Variants in MORC1 observed in about 807,000 individuals in gnomAD.
The protein encoded by MORC1 is MORC family CW-type zinc finger protein 1.
MORC1 carries 59 observed loss-of-function variants against 134.9 expected under a neutral mutation model. The observed-to-expected ratio is 0.44, with a 90% confidence interval of 0.35 to 0.54. The LOEUF (loss-of-function observed/expected upper bound fraction) is 0.54, where lower values mean the gene tolerates loss of function less well. Among genes scored for constraint, MORC1 ranks in the 20% least tolerant of loss-of-function variants. MORC1 has a pLI of 0.00. For missense variants in MORC1, 947 were observed against 1,134.5 expected, an observed-to-expected ratio of 0.83 and a Z score of 2.37; for synonymous variants, 395 against 391.7, an observed-to-expected ratio of 1.01 and a Z score of -0.10.
intron 17 of MORC1, among the ~76,000 whole-genome samples, chr3:109,011,942 A>C (rs761306314): frequency 4.6e-5 from 7 of 152,248 alleles, no homozygotes; most frequent in Non-Finnish European, 7.3e-5. Flanking sequence ...TTTGAAGAGC[A>C]AAAGTCATTA....
chr3:109,041,035 G>A (rs1949533150), intron 14 of MORC1, among the ~76,000 whole-genome samples: 1 of 152,026 alleles, frequency 6.6e-6, no homozygotes, highest in Non-Finnish European at 1.5e-5. Flanking sequence ...AGAGCCACCA[G>A]GTGTGGTGGC....
intron 8 of MORC1, among the ~76,000 whole-genome samples, chr3:109,087,496 T>C (rs945070971): frequency 2.0e-5 from 3 of 151,874 alleles, no homozygotes; most frequent in African/African-American, 7.3e-5. Flanking sequence ...AAGAATAAAA[T>C]ACCTAGAAAT....
chr3:109,105,964 A>G (rs7626269), intron 3 of MORC1, among the ~76,000 whole-genome samples: 120,588 of 152,072 alleles, frequency 0.79, 48,570 homozygotes, highest in East Asian at 0.93. Flanking sequence ...CCCCCTTTAA[A>G]GTACTTGTTC....
intron 18 of MORC1, among the ~76,000 whole-genome samples, chr3:109,006,301 T>C (rs917758142): frequency 2.0e-5 from 3 of 152,168 alleles, no homozygotes; most frequent in African/African-American, 7.2e-5. Flanking sequence ...TCTGGGTTCA[T>C]TGGTCTCTGA....
intron 17 of MORC1, among the ~76,000 whole-genome samples, chr3:109,022,403 T>C (rs545157726): frequency 3.3e-5 from 5 of 152,244 alleles, no homozygotes; most frequent in Non-Finnish European, 2.9e-5. Flanking sequence ...TTCTTTGTTA[T>C]GCATTTACTG....
At chr3:108,963,389 G>T (rs1213114687) in intron 27 of MORC1, 25 bp downstream of exon 27, 1 of 1,590,562 alleles carries the variant, frequency 6.3e-7, no homozygotes, top group East Asian at 2.2e-5. Context: ...TACTCCTACT[G>T]CTCAAATACA....
intron 21 of MORC1, 144 bp downstream of exon 21, chr3:109,000,413 T>TA (rs1948371072): frequency 6.7e-6 from 4 of 598,520 alleles, no homozygotes; most frequent in Non-Finnish European, 1.1e-5. Context: ...GCAAGTAACT[T>TA]AAACTTTTCT....
chr3:109,059,709 A>T, intron 12 of MORC1, 97 bp downstream of exon 12: 4 of 989,016 alleles, frequency 4.0e-6, no homozygotes, highest in Non-Finnish European at 5.9e-6. Context: ...CTGAAAAAAA[A>T]TTGTCACAAT....
chr3:109,099,826 T>C (rs1261272893), intron 5 of MORC1, among the ~76,000 whole-genome samples: 3 of 152,164 alleles, frequency 2.0e-5, no homozygotes, highest in African/African-American at 7.2e-5. Context: ...AAATATGCTT[T>C]GGGAAACAAC....
chr3:109,089,456 C>T (rs1005567509), intron 8 of MORC1, among the ~76,000 whole-genome samples: 4 of 152,054 alleles, frequency 2.6e-5, no homozygotes, highest in Non-Finnish European at 5.9e-5. Context: ...TTAAAACTCT[C>T]CACTAGCCTG....
intron 14 of MORC1, among the ~76,000 whole-genome samples, chr3:109,043,196 G>T (rs927232833): frequency 1.6e-5 from 2 of 121,844 alleles, no homozygotes; most frequent in Admixed American, 8.2e-5. Context: ...TGTGGGGGGG[G>T]GGGGGTGTGT....
intron 6 of MORC1, among the ~76,000 whole-genome samples, chr3:109,097,184 GCAAA>G (rs534625144): frequency 7.2e-5 from 11 of 152,148 alleles, no homozygotes; most frequent in African/African-American, 1.9e-4. Context: ...GTAAAGGCAA[GCAAA>G]CAAACAAACA....
intron 16 of MORC1, 72 bp from the exon 17 acceptor site, chr3:109,027,961 T>C (rs1949125317): frequency 6.0e-6 from 9 of 1,490,362 alleles, no homozygotes; most frequent in Non-Finnish European, 8.2e-6. Context: ...AAAAGACGAT[T>C]TACTTCTACA....
chr3:108,989,097 C>G (rs1283548697), intron 21 of MORC1, among the ~76,000 whole-genome samples: 1 of 152,074 alleles, frequency 6.6e-6, no homozygotes, highest in East Asian at 1.9e-4. Context: ...ATGCTGCCTT[C>G]TATTACAATA....
rs760229576 is a variant in MORC1 at position 109,035,485 on chromosome 3, C to T, written c.1331-17G>A. ...TTCTATTATCTTTTAAAAAAAAAAGCAGGCAAAGAATAACAAAAAAAAATC... is the reference window on the plus strand; with the variant it reads ...TTCTATTATCTTTTAAAAAAAAAAGTAGGCAAAGAATAACAAAAAAAAATC... On this transcript the variant is annotated splice_polypyrimidine_tract_variant and intron_variant, in intron 14 of 27. Transcript: ENST00000232603. 5 of 1,334,118 alleles carry T rather than the reference C, an allele frequency of 3.7e-6. No individual in the cohort carries two copies. The Admixed American group carries it at 1.1e-4, about 29-fold the overall frequency. 82.6% of individuals were successfully genotyped at this position (1,334,118 alleles called of 1,614,324 possible).
At chr3:108,973,714 A>G (rs1287095696) in intron 24 of MORC1, among the ~76,000 whole-genome samples, 1 of 145,026 alleles carries the variant, frequency 6.9e-6, no homozygotes, top group Non-Finnish European at 1.5e-5. Flanking sequence ...CTCCCAACTC[A>G]CCCACCTGAG....
intron 17 of MORC1, among the ~76,000 whole-genome samples, chr3:109,019,685 G>A (rs1694726186): frequency 6.6e-6 from 1 of 152,142 alleles, no homozygotes; most frequent in South Asian, 2.1e-4. Flanking sequence ...CCACAAAATA[G>A]GAATCATAAC....
chr3:109,103,867 CA>C lies in MORC1; in HGVS notation c.204del (p.Asp68GlufsTer5). 8 of 1,613,940 alleles carry C rather than the reference CA, an allele frequency of 5.0e-6. No homozygotes were observed. The highest frequency in any genetic ancestry group is 6.8e-6 in the Non-Finnish European group (8 of 1,179,846). On this transcript the variant is annotated frameshift_variant, in exon 4 of 28. Coordinates refer to ENST00000232603, the MANE Select transcript of MORC1 (RefSeq NM_014429.4). LOFTEE classifies it high-confidence loss of function. Reference sequence around the variant, plus strand: ...AACTTACCAGGGCTCATGCCACATCCATCATCCAGGAAACACAACATGAATC... The same window carrying C: ...AACTTACCAGGGCTCATGCCACATCCTCATCCAGGAAACACAACATGAATC... ...QGGFMLCFLD[D>X]GCGMSPEEAS...
At position 109,093,445 on chromosome 3, in the gene MORC1, G is replaced by C; in HGVS notation, c.680C>G (p.Ala227Gly). 6.2e-7 allele frequency: 1 copy of C among 1,611,348 alleles called. No homozygotes were observed. Reference protein sequence around the residue: ...TDKEDILMAGALEDFPARWSF... With the variant: ...TDKEDILMAGGLEDFPARWSF... ...TCAAACACACACATACTCCTCCAGA[G>C]CTCCAGCCATCAGTATATCTTCTTT... Residue 227 changes from alanine (A) to glycine (G), a missense_variant, in exon 8 of 28, where the codon GCT (alanine) becomes GGT (glycine). By Grantham distance (60) the Ala-to-Gly change is moderately conservative. This residue lies in a region of MORC1 where 214 missense variants were observed against 281.3 expected (regional missense o/e 0.76). Transcript: ENST00000232603.
Sources: gnomAD v4.1 joint callset for allele counts (sites outside exome capture counted in the v4.1 genomes callset) on GRCh38, gnomAD v4.1.1 for gene constraint, gnomAD v4.1.1 regional missense constraint, MANE v1.5 for transcripts, NCBI Gene and HGNC (gene_info 2026-07-23, HGNC 2026-07-21) for gene names.